Variants in ZMYND11 observed in about 807,000 individuals in gnomAD.
The protein encoded by ZMYND11 is zinc finger MYND-type containing 11.
In ZMYND11, 9 loss-of-function variants were observed where a neutral mutation model predicts 84.9. That is an observed-to-expected ratio of 0.11 (90% CI 0.06 to 0.18). The LOEUF is 0.18. ZMYND11 is among the 10% of genes least tolerant of loss of function. ZMYND11 has a pLI of 1.00. For missense variants in ZMYND11, 409 were observed against 761.0 expected (o/e 0.54, Z 5.44); for synonymous variants, 250 against 244.1 (o/e 1.02, Z -0.23).
chr10:142,874 A>C (rs943558705), intron 1 of ZMYND11, among the ~76,000 whole-genome samples: 3 of 152,204 alleles, frequency 2.0e-5, no homozygotes, highest in African/African-American at 7.2e-5. Flanking sequence ...AAGCATAGAT[A>C]ATTGGTTCAT....
At chr10:240,207 C>T (rs1317389627) in intron 8 of ZMYND11, 96 bp downstream of exon 8, 3 of 1,106,924 alleles carry the variant, frequency 2.7e-6, no homozygotes, top group Non-Finnish European at 3.8e-6. Flanking sequence ...GTGCCATTTC[C>T]TTTAAATGTC....
At chr10:243,816 G>A (rs569219735) in intron 10 of ZMYND11, among the ~76,000 whole-genome samples, 2 of 152,244 alleles carry the variant, frequency 1.3e-5, no homozygotes, top group Admixed American at 6.5e-5. Context: ...AGTGAGCAGA[G>A]ACTGTGCCAC....
rs1264725842 is a variant in ZMYND11, at chr10:145,153, T to C, written c.-20+9594T>C. Among the ~76,000 whole-genome samples the C allele has an allele frequency of 2.6e-5, 4 of 151,278 alleles. 1 individual carries two copies. The East Asian group carries it at 7.7e-4, about 29-fold the overall frequency. ...TATTCCATATATATATGTGTATATA[T>C]ATATGTGTGTGTATATATATGTGTA... On this transcript the variant is annotated intron_variant, in intron 1 of 14. Coordinates refer to ENST00000381604, the MANE Select transcript of ZMYND11 (RefSeq NM_001370100.5).
intron 1 of ZMYND11, chr10:147,770 A>G (rs1252595796): frequency 1.3e-5 from 2 of 151,836 alleles, no homozygotes; most frequent in African/African-American, 4.8e-5. Context: ...CCTGATGGTC[A>G]CAGATATAAC....
rs1356824251 is a variant in ZMYND11, at chr10:240,919, T to C, written c.780T>C (p.Asn260=). ...HELDELQLCK[N]CFYLSNARPD... is the part of the protein sequence containing the mutation. ...TGGATGAACTGCAGCTTTGCAAGAATTGCTTTTACTTGTCAAATGCTCGTC... is the reference window on the plus strand; with the variant it reads ...TGGATGAACTGCAGCTTTGCAAGAACTGCTTTTACTTGTCAAATGCTCGTC... Residue 260 remains asparagine, a synonymous_variant, in exon 9 of 15, where the codon AAT becomes AAC. Coordinates refer to ENST00000381604, the MANE Select transcript of ZMYND11 (RefSeq NM_001370100.5). 1.2e-6 allele frequency: 2 copies of C among 1,613,614 alleles called. No homozygotes were observed. The highest frequency in any genetic ancestry group is 1.7e-6 in the Non-Finnish European group (2 of 1,179,944).
intron 1 of ZMYND11, among the ~76,000 whole-genome samples, chr10:170,512 C>T (rs192471826): frequency 2.6e-4 from 39 of 151,356 alleles, no homozygotes; most frequent in Non-Finnish European, 5.0e-4. Context: ...AAATGAATGA[C>T]AGTTTGTAAG....
chr10:141,122 G>T (rs1453707722), intron 1 of ZMYND11, among the ~76,000 whole-genome samples: 1 of 152,088 alleles, frequency 6.6e-6, no homozygotes, highest in Non-Finnish European at 1.5e-5. Flanking sequence ...TAATATTTAG[G>T]TATAGTAGGT....
At chr10:190,788 A>G (rs1376476341) in intron 2 of ZMYND11, among the ~76,000 whole-genome samples, 3 of 152,214 alleles carry the variant, frequency 2.0e-5, no homozygotes, top group African/African-American at 4.8e-5. Context: ...ATCAGTGGAC[A>G]AAATCATACC....
intron 1 of ZMYND11, among the ~76,000 whole-genome samples, chr10:167,622 C>T (rs1844313477): frequency 6.6e-6 from 1 of 152,016 alleles, no homozygotes; most frequent in Non-Finnish European, 1.5e-5. Context: ...CCAGGAGATC[C>T]ATTCTAAGGG....
In ZMYND11 at chr10:206,013, T is replaced by G. The variant is rs572570842; in HGVS notation, c.117-3876T>G. On this transcript the variant is annotated intron_variant, in intron 2 of 14. Coordinates refer to ENST00000381604, the MANE Select transcript of ZMYND11 (RefSeq NM_001370100.5). ...TAAATCAATAGACCTGTCCTAAGGTTGTTTTTTTTTTTTTTTTGTTTCAGA... is the reference window on the plus strand; with the variant it reads ...TAAATCAATAGACCTGTCCTAAGGTGGTTTTTTTTTTTTTTTTGTTTCAGA... Among the ~76,000 whole-genome samples, 7 of 150,192 alleles carry G rather than the reference T, an allele frequency of 4.7e-5. No individual in the cohort carries two copies. The South Asian group carries it at 6.3e-4, about 13-fold the overall frequency.
intron 4 of ZMYND11, among the ~76,000 whole-genome samples, chr10:224,344 A>G (rs759438046): frequency 6.6e-6 from 1 of 152,220 alleles, no homozygotes; most frequent in African/African-American, 2.4e-5. Context: ...TCTAGAATCT[A>G]TAACCCTAAG....
chr10:210,399 G>A (rs965599628), intron 3 of ZMYND11, among the ~76,000 whole-genome samples: 10 of 152,216 alleles, frequency 6.6e-5, no homozygotes, highest in African/African-American at 2.2e-4. Flanking sequence ...CATCTAGACA[G>A]ATAGAAGGGG....
intron 3 of ZMYND11, among the ~76,000 whole-genome samples, chr10:213,601 C>CT (rs929216830): frequency 6.6e-5 from 10 of 151,340 alleles, no homozygotes; most frequent in East Asian, 1.9e-4. Flanking sequence ...TGGTAAAGCT[C>CT]TTTTTTTTTC....
intron 1 of ZMYND11, among the ~76,000 whole-genome samples, chr10:171,054 A>G (rs1365990836): frequency 1.3e-5 from 2 of 152,172 alleles, no homozygotes; most frequent in East Asian, 1.9e-4. Context: ...CTTCAGAGGT[A>G]GGGAAGTTAT....
chr10:141,651 C>A (rs1341469988), intron 1 of ZMYND11, among the ~76,000 whole-genome samples: 1 of 152,156 alleles, frequency 6.6e-6, no homozygotes, highest in Admixed American at 6.5e-5. Flanking sequence ...TTTTAAAGTA[C>A]TCTGTTGAAA....
chr10:191,536 T>A (rs1340689368), intron 2 of ZMYND11, among the ~76,000 whole-genome samples: 1 of 152,230 alleles, frequency 6.6e-6, no homozygotes, highest in Non-Finnish European at 1.5e-5. Context: ...TGCTTCAGGA[T>A]GTATTCTGAA....
At chr10:232,949 A>G (rs1333105814) in intron 4 of ZMYND11, among the ~76,000 whole-genome samples, 2 of 152,230 alleles carry the variant, frequency 1.3e-5, no homozygotes, top group Non-Finnish European at 2.9e-5. Flanking sequence ...GTTAACCTCA[A>G]GATCCCTTTA....
intron 2 of ZMYND11, among the ~76,000 whole-genome samples, chr10:184,017 A>C (rs1848425716): frequency 6.6e-6 from 1 of 152,208 alleles, no homozygotes; most frequent in Admixed American, 6.5e-5. Flanking sequence ...AGAGTTATGA[A>C]ATGCATATAC....
chr10:251,196 G>A (rs987683753), intron 14 of ZMYND11, among the ~76,000 whole-genome samples: 49 of 152,166 alleles, frequency 3.2e-4, no homozygotes, highest in Admixed American at 2.2e-3. Context: ...AATTGAAAAC[G>A]AAATAATAGG....
Sources: gnomAD v4.1 joint callset for allele counts (sites outside exome capture counted in the v4.1 genomes callset) on GRCh38, gnomAD v4.1.1 for gene constraint, MANE v1.5 for transcripts, NCBI Gene and HGNC (gene_info 2026-07-23, HGNC 2026-07-21) for gene names.